Variants in CATSPERT observed in about 807,000 individuals in gnomAD.
CATSPERT encodes cation channel sperm-associated targeting subunit tau.
At chr2:201,515,723 T>C in the CATSPERT span, among the ~76,000 whole-genome samples, 1 of 152,144 alleles carries the variant, frequency 6.6e-6, no homozygotes, top group Non-Finnish European at 1.5e-5. Context: ...CATGATATTG[T>C]TTGTCTCTAT....
chr2:201,585,441 A>G, the CATSPERT span, among the ~76,000 whole-genome samples: 2 of 151,638 alleles, frequency 1.3e-5, no homozygotes, highest in African/African-American at 4.8e-5. Flanking sequence ...AAACAAAATC[A>G]TTATGTCACC....
chr2:201,559,683 G>A, the CATSPERT span, among the ~76,000 whole-genome samples: 7 of 152,260 alleles, frequency 4.6e-5, no homozygotes, highest in African/African-American at 9.6e-5. Flanking sequence ...GATTATAGCC[G>A]AAAAAACTAT....
chr2:201,507,439 A>C, the CATSPERT span, among the ~76,000 whole-genome samples: 1 of 152,218 alleles, frequency 6.6e-6, no homozygotes, highest in Non-Finnish European at 1.5e-5. Context: ...CCCAATTAAA[A>C]TCTCAGAGTT....
the CATSPERT span, among the ~76,000 whole-genome samples, chr2:201,547,081 T>C: frequency 6.6e-6 from 1 of 152,112 alleles, no homozygotes; most frequent in East Asian, 1.9e-4. Context: ...GCTAAAGCTA[T>C]ACAGTTAGAA....
At chr2:201,535,199 C>A in the CATSPERT span, 2 of 984,336 alleles carry the variant, frequency 2.0e-6, no homozygotes, top group Admixed American at 1.2e-4. Context: ...TAGAAATGAC[C>A]TAGTCTGATC....
the CATSPERT span, among the ~76,000 whole-genome samples, chr2:201,551,871 G>A: frequency 2.0e-5 from 3 of 148,516 alleles, no homozygotes; most frequent in South Asian, 2.1e-4. Flanking sequence ...TCGCACCATC[G>A]CACTTCAGCC....
At chr2:201,564,224 T>C in the CATSPERT span, among the ~76,000 whole-genome samples, 2 of 152,204 alleles carry the variant, frequency 1.3e-5, no homozygotes, top group African/African-American at 4.8e-5. Flanking sequence ...ATCATTTCAA[T>C]TTCAATCTTA....
the CATSPERT span, among the ~76,000 whole-genome samples, chr2:201,505,216 G>C: frequency 6.6e-6 from 1 of 152,082 alleles, no homozygotes; most frequent in African/African-American, 2.4e-5. Flanking sequence ...TCTTGTAGTT[G>C]TAACTACAGG....
the CATSPERT span, among the ~76,000 whole-genome samples, chr2:201,577,128 T>C: frequency 6.6e-6 from 1 of 152,178 alleles, no homozygotes; most frequent in South Asian, 2.1e-4. Flanking sequence ...TTTAAAATAT[T>C]GTATAAAATT....
chr2:201,584,788 AAAAG>A, the CATSPERT span, among the ~76,000 whole-genome samples: 78 of 152,214 alleles, frequency 5.1e-4, 1 homozygote, highest in East Asian at 9.7e-3. Context: ...GTCTCAAAAA[AAAAG>A]AAAGAAAGAA....
chr2:201,598,744 G>C, the CATSPERT span, among the ~76,000 whole-genome samples: 6 of 152,168 alleles, frequency 3.9e-5, 1 homozygote, highest in Non-Finnish European at 1.5e-5. Flanking sequence ...ACCACACCCA[G>C]CTAAGTTTTG....
At chr2:201,527,357 C>G in the CATSPERT span, among the ~76,000 whole-genome samples, 1 of 152,160 alleles carries the variant, frequency 6.6e-6, no homozygotes, top group East Asian at 1.9e-4. Flanking sequence ...AGATCCAATA[C>G]TATTCCTACC....
chr2:201,536,664 A>C, the CATSPERT span, among the ~76,000 whole-genome samples: 2 of 151,620 alleles, frequency 1.3e-5, no homozygotes, highest in African/African-American at 4.8e-5. Context: ...TTTTAATAAC[A>C]AAATGCACAA....
At chr2:201,608,773 T>C in the CATSPERT span, among the ~76,000 whole-genome samples, 1 of 148,486 alleles carries the variant, frequency 6.7e-6, no homozygotes, top group African/African-American at 2.5e-5. Flanking sequence ...ACAGTGATTA[T>C]GCCACTACAC....
the CATSPERT span, among the ~76,000 whole-genome samples, chr2:201,596,534 CTATG>C: frequency 1.3e-5 from 2 of 152,132 alleles, no homozygotes; most frequent in African/African-American, 4.8e-5. Context: ...ACAAGTTTAC[CTATG>C]TACCAAGCCT....
the CATSPERT span, among the ~76,000 whole-genome samples, chr2:201,601,119 T>G: frequency 1.3e-5 from 2 of 152,146 alleles, no homozygotes; most frequent in African/African-American, 4.8e-5. Flanking sequence ...ACATAGTAAG[T>G]GCCGGTGTGT....
the CATSPERT span, chr2:201,491,859 A>G: frequency 6.5e-7 from 1 of 1,536,924 alleles, no homozygotes; most frequent in Non-Finnish European, 8.7e-7. Context: ...CTGTTTTATG[A>G]ACAGAATTTT....
At chr2:201,539,899 T>C in the CATSPERT span, among the ~76,000 whole-genome samples, 1 of 152,174 alleles carries the variant, frequency 6.6e-6, no homozygotes, top group South Asian at 2.1e-4. Flanking sequence ...GCTAGGCCTC[T>C]TGCACCAAAC....
the CATSPERT span, among the ~76,000 whole-genome samples, chr2:201,502,355 C>T: frequency 7.9e-5 from 12 of 152,114 alleles, no homozygotes; most frequent in South Asian, 2.1e-4. Context: ...GGGAGGATCA[C>T]GAGGTCAGGA....
Sources: gnomAD v4.1 joint callset for allele counts (sites outside exome capture counted in the v4.1 genomes callset) on GRCh38, gnomAD v4.1.1 for gene constraint, MANE v1.5 for transcripts, NCBI Gene and HGNC (gene_info 2026-07-23, HGNC 2026-07-21) for gene names.